The following NFIB variants were observed in gnomAD, a reference collection of about 807,000 sequenced individuals.
NFIB encodes nuclear factor I B.
NFIB carries 11 observed loss-of-function variants against 61.5 expected under a neutral mutation model. The ratio of observed to expected loss-of-function variants is 0.18; its 90% CI spans 0.11 to 0.30. The LOEUF is 0.30. Among genes scored for constraint, NFIB ranks in the 10% least tolerant of loss-of-function variants. The pLI is 1.00. For missense variants in NFIB, 471 were observed against 608.9 expected (o/e 0.77, Z 2.38); for synonymous variants, 260 against 216.5 (o/e 1.20, Z -1.76).
At chr9:14,321,893 G>A in intron 1 of NFIB, 6 of 1,231,632 alleles carry the variant, frequency 4.9e-6, no homozygotes, top group African/African-American at 1.6e-5. Context: ...GGGGTGCAAA[G>A]AACGAATAAA....
chr9:14,346,161 G>A (rs929221694), intron 1 of NFIB, among the ~76,000 whole-genome samples: 5 of 152,178 alleles, frequency 3.3e-5, no homozygotes, highest in African/African-American at 1.2e-4. Context: ...GTTCACCCCA[G>A]CACTGGAAAG....
chr9:14,180,500 C>T (rs2046644940), intron 2 of NFIB, among the ~76,000 whole-genome samples: 1 of 152,162 alleles, frequency 6.6e-6, no homozygotes, highest in East Asian at 1.9e-4. Flanking sequence ...CATACTATTC[C>T]TCATTGATGC....
At chr9:14,454,967 G>T in the NFIB span, among the ~76,000 whole-genome samples, 2,398 of 152,332 alleles carry the variant, frequency 0.016, 28 homozygotes, top group Non-Finnish European at 0.024. Context: ...ATTTAGAGCA[G>T]AATCAAAGCT....
the NFIB span, among the ~76,000 whole-genome samples, chr9:14,465,475 TAAC>T: frequency 1.3e-5 from 2 of 151,960 alleles, no homozygotes; most frequent in Non-Finnish European, 2.9e-5. Context: ...GCATAGATAT[TAAC>T]AACATAGAGA....
intron 1 of NFIB, among the ~76,000 whole-genome samples, chr9:14,320,115 T>G (rs1171587322): frequency 2.0e-5 from 3 of 152,214 alleles, no homozygotes; most frequent in Non-Finnish European, 4.4e-5. Flanking sequence ...CTGACCATAT[T>G]AAAATTAAAG....
chr9:14,346,170 A>T (rs2061016604), intron 1 of NFIB, among the ~76,000 whole-genome samples: 1 of 152,002 alleles, frequency 6.6e-6, no homozygotes, highest in African/African-American at 2.4e-5. Flanking sequence ...AGCACTGGAA[A>T]GAGACTTGCG....
chr9:14,220,493 C>G (rs2051506779), intron 2 of NFIB, among the ~76,000 whole-genome samples: 1 of 152,102 alleles, frequency 6.6e-6, no homozygotes, highest in African/African-American at 2.4e-5. Flanking sequence ...GCATGGGGCT[C>G]CCTTTCGACC....
intron 2 of NFIB, among the ~76,000 whole-genome samples, chr9:14,209,093 A>T (rs1210966432): frequency 6.6e-6 from 1 of 152,220 alleles, no homozygotes; most frequent in Non-Finnish European, 1.5e-5. Flanking sequence ...TGTCTTATGA[A>T]TCATCAATAC....
At chr9:14,453,176 C>G in the NFIB span, among the ~76,000 whole-genome samples, 1 of 152,152 alleles carries the variant, frequency 6.6e-6, no homozygotes, top group Non-Finnish European at 1.5e-5. Context: ...TATCCCTGCT[C>G]AAAGACAGGA....
intron 1 of NFIB, among the ~76,000 whole-genome samples, chr9:14,334,353 G>A (rs2132856618): frequency 6.6e-6 from 1 of 152,254 alleles, no homozygotes; most frequent in South Asian, 2.1e-4. Flanking sequence ...AGTTTTAATT[G>A]CTTCACATCT....
chr9:14,136,175 C>T (rs1350161563), intron 6 of NFIB, among the ~76,000 whole-genome samples: 1 of 152,156 alleles, frequency 6.6e-6, no homozygotes, highest in Non-Finnish European at 1.5e-5. Flanking sequence ...ATGAAAACTA[C>T]TTTTTAAAAA....
At chr9:14,203,478 TATAAG>T (rs1358199237) in intron 2 of NFIB, among the ~76,000 whole-genome samples, 7 of 152,214 alleles carry the variant, frequency 4.6e-5, no homozygotes, top group African/African-American at 1.7e-4. Context: ...GCTTTGTAAT[TATAAG>T]ATATTTCTGG....
At chr9:14,093,671 A>G (rs1049832254) in intron 10 of NFIB, among the ~76,000 whole-genome samples, 1 of 152,096 alleles carries the variant, frequency 6.6e-6, no homozygotes, top group African/African-American at 2.4e-5. Context: ...ATTAACACAC[A>G]AGTATTAGCA....
chr9:14,219,198 G>A (rs1259880161), intron 2 of NFIB, among the ~76,000 whole-genome samples: 1 of 152,156 alleles, frequency 6.6e-6, no homozygotes, highest in Non-Finnish European at 1.5e-5. Flanking sequence ...GTTTAAAGGA[G>A]TTTTGCATTT....
rs549031512 is a variant in NFIB, at chr9:14,279,171, T to C, written c.562+27818A>G. On this transcript the variant is annotated intron_variant, in intron 2 of 10. Coordinates refer to ENST00000380953, the MANE Select transcript of NFIB (RefSeq NM_001190737.2). ...GTGATTGTTAACAATGCCATCATTA[T>C]ACAGACGGCAAAACCGAAGCACAAG... Among the ~76,000 whole-genome samples the C allele has an allele frequency of 1.2e-4, 18 of 152,274 alleles. No homozygotes were observed. The South Asian group carries it at 2.3e-3, about 19-fold the overall frequency.
intron 2 of NFIB, among the ~76,000 whole-genome samples, chr9:14,259,675 C>G (rs954022745): frequency 6.6e-6 from 1 of 151,986 alleles, no homozygotes; most frequent in African/African-American, 2.4e-5. Context: ...CAAAGGCAGG[C>G]GGATCACTTG....
the NFIB span, among the ~76,000 whole-genome samples, chr9:14,460,868 T>A: frequency 9.2e-5 from 14 of 152,112 alleles, no homozygotes; most frequent in African/African-American, 3.4e-4. Flanking sequence ...TGCTTGTTAT[T>A]CCAACTTCAC....
At chr9:14,159,900 C>A (rs1321849118) in intron 3 of NFIB, among the ~76,000 whole-genome samples, 1 of 152,190 alleles carries the variant, frequency 6.6e-6, no homozygotes, top group Non-Finnish European at 1.5e-5. Context: ...TCATAGACCA[C>A]TGTAAATCTA....
intron 6 of NFIB, among the ~76,000 whole-genome samples, chr9:14,128,748 G>A (rs572320473): frequency 4.6e-5 from 7 of 151,492 alleles, no homozygotes; most frequent in Admixed American, 1.3e-4. Context: ...ACAGAACAGT[G>A]TCGTTCTGGG....
Sources: gnomAD v4.1 joint callset for allele counts (sites outside exome capture counted in the v4.1 genomes callset) on GRCh38, gnomAD v4.1.1 for gene constraint, MANE v1.5 for transcripts, NCBI Gene and HGNC (gene_info 2026-07-23, HGNC 2026-07-21) for gene names.